The following FAM107B variants were observed in gnomAD, a reference collection of about 807,000 sequenced individuals.
The protein encoded by FAM107B is protein FAM107B.
A neutral mutation model predicts 31.5 loss-of-function variants in FAM107B; 21 were observed. The ratio of observed to expected loss-of-function variants is 0.67; its 90% confidence interval spans 0.47 to 0.96. The LOEUF is 0.96. Among genes scored for constraint, FAM107B ranks in the 40% least tolerant of loss-of-function variants. The probability of loss-of-function intolerance (pLI) is 0.00; values close to 1 mark genes in which losing one functional copy is unlikely to be tolerated. For missense variants in FAM107B, 452 were observed against 377.1 expected (o/e 1.20, Z -1.64); for synonymous variants, 157 against 141.5 (o/e 1.11, Z -0.78).
rs1833385289 is a variant in FAM107B, at chr10:14,774,806, G to A, written c.-143C>T. ...AGTGGTTGCCCCTAAATAGAAGTTG[G>A]GATGGCAAGGCCACCTTCCCTGAGA... On this transcript the variant is annotated 5_prime_UTR_variant, in exon 1 of 5. Transcript: ENST00000181796. 4.3e-6 allele frequency: 4 copies of A among 920,368 alleles called. No homozygotes were observed. The South Asian group carries it at 5.4e-5, about 12-fold the overall frequency. The allele number at this position is 920,368 out of a possible 1,614,324, so 57.0% of individuals were successfully genotyped here.
intron 2 of FAM107B, among the ~76,000 whole-genome samples, chr10:14,624,702 G>A (rs1250729900): frequency 6.6e-6 from 1 of 152,076 alleles, no homozygotes; most frequent in East Asian, 1.9e-4. Context: ...TTTCGTATTT[G>A]AGCATAACAA....
intron 1 of FAM107B, among the ~76,000 whole-genome samples, chr10:14,711,525 C>A (rs188181521): frequency 1.3e-5 from 2 of 152,196 alleles, no homozygotes; most frequent in African/African-American, 2.4e-5. Context: ...TAGGCTATAC[C>A]GCCTAGCCTA....
At chr10:14,534,062 CAG>C (rs908199321) in intron 2 of FAM107B, among the ~76,000 whole-genome samples, 5 of 152,200 alleles carry the variant, frequency 3.3e-5, no homozygotes, top group African/African-American at 1.2e-4. Context: ...GCTGTCAACA[CAG>C]GGGCAAACAT....
chr10:14,603,958 GGGC>G (rs1216231442), intron 2 of FAM107B, among the ~76,000 whole-genome samples: 1 of 148,944 alleles, frequency 6.7e-6, no homozygotes, highest in African/African-American at 2.4e-5. Context: ...ACAATGAGCC[GGGC>G]GGCCGCTGGG....
chr10:14,702,768 C>G (rs995067156), intron 1 of FAM107B, among the ~76,000 whole-genome samples: 4 of 152,104 alleles, frequency 2.6e-5, no homozygotes, highest in African/African-American at 4.8e-5. Flanking sequence ...GAAGTCCACC[C>G]CAAAACATGG....
chr10:14,661,137 C>T (rs763123393), intron 2 of FAM107B, among the ~76,000 whole-genome samples: 4 of 152,210 alleles, frequency 2.6e-5, no homozygotes, highest in Admixed American at 6.5e-5. Context: ...TCCCCAGCCA[C>T]GCTTCCTGTA....
intron 2 of FAM107B, among the ~76,000 whole-genome samples, chr10:14,608,352 CTG>C (rs1352044385): frequency 2.6e-5 from 4 of 152,208 alleles, no homozygotes; most frequent in Non-Finnish European, 5.9e-5. Flanking sequence ...TTATCTATGA[CTG>C]TATAACACAT....
intron 2 of FAM107B, among the ~76,000 whole-genome samples, chr10:14,620,004 A>ACTTT: frequency 7.0e-6 from 1 of 141,892 alleles, no homozygotes; most frequent in Admixed American, 7.6e-5. Flanking sequence ...CTACGTCTGG[A>ACTTT]CTTTCTTTCT....
chr10:14,530,490 ATG>A lies in FAM107B; in HGVS notation c.493_494del (p.His165Ter), dbSNP rs1199777172. The A allele has an allele frequency of 6.2e-7, 1 of 1,613,208 alleles. No individual in the cohort carries two copies. The highest frequency in any genetic ancestry group is 1.7e-5 in the Admixed American group (1 of 59,868). On this transcript the variant is annotated frameshift_variant, in exon 3 of 5. Transcript: ENST00000181796. LOFTEE classifies it high-confidence loss of function. Reference sequence around the variant, plus strand: ...TTCTTGTAATGAGATATGAGTCCTTATGGTCAATATCCTCAGGTGGGCTGTCT... The same window carrying A: ...TTCTTGTAATGAGATATGAGTCCTTAGTCAATATCCTCAGGTGGGCTGTCT... ...TSDSPPEDIDHKDSYLITRSI... is the reference protein window; with the variant it reads ...TSDSPPEDIDXKDSYLITRSI...
chr10:14,658,793 T>C (rs1203119356), intron 2 of FAM107B, among the ~76,000 whole-genome samples: 2 of 152,222 alleles, frequency 1.3e-5, no homozygotes, highest in African/African-American at 4.8e-5. Context: ...TCAGGCTCCA[T>C]CCTAGGCATT....
intron 2 of FAM107B, among the ~76,000 whole-genome samples, chr10:14,580,817 A>C (rs945271100): frequency 6.6e-6 from 1 of 152,222 alleles, no homozygotes; most frequent in African/African-American, 2.4e-5. Context: ...TTGGCCTCCC[A>C]GGATCCTAAC....
In FAM107B at chr10:14,742,567, C is replaced by T. The variant is rs550418151; in HGVS notation, c.411+31686G>A. On this transcript the variant is annotated intron_variant, in intron 1 of 4. Coordinates refer to ENST00000181796, the MANE Select transcript of FAM107B (RefSeq NM_031453.4). ...GTAGGGTAGCTACTCACTAAATATT[C>T]GTGAAATGCCTGCTGGATGAGTTAT... is the stretch of plus-strand genomic sequence containing the variant. 1.9e-4 allele frequency among the ~76,000 whole-genome samples: 29 copies of T among 152,252 alleles called. No homozygotes were observed. In the East Asian group the frequency reaches 2.1e-3, roughly 11 times the overall value.
At chr10:14,672,481 T>G (rs1161924480) in intron 1 of FAM107B, among the ~76,000 whole-genome samples, 1 of 152,250 alleles carries the variant, frequency 6.6e-6, no homozygotes, top group African/African-American at 2.4e-5. Flanking sequence ...AATGGACTTT[T>G]CATTTACAGT....
intron 1 of FAM107B, among the ~76,000 whole-genome samples, chr10:14,730,384 T>G (rs1250408913): frequency 6.6e-6 from 1 of 152,148 alleles, no homozygotes; most frequent in African/African-American, 2.4e-5. Context: ...AAGATGATAT[T>G]CTTGAGCTGG....
chr10:14,572,427 T>C, intron 2 of FAM107B: 6 of 984,824 alleles, frequency 6.1e-6, no homozygotes, highest in Non-Finnish European at 7.2e-6. Flanking sequence ...GTTCTCGCAC[T>C]TCTTAGAGCA....
chr10:14,692,834 C>G (rs1215037461), intron 1 of FAM107B, among the ~76,000 whole-genome samples: 1 of 152,196 alleles, frequency 6.6e-6, no homozygotes, highest in Non-Finnish European at 1.5e-5. Context: ...CCTCTCTGAT[C>G]CTTTATGTGC....
intron 2 of FAM107B, among the ~76,000 whole-genome samples, chr10:14,626,069 T>A (rs972052755): frequency 1.3e-5 from 2 of 152,138 alleles, no homozygotes; most frequent in Admixed American, 6.6e-5. Flanking sequence ...CACTTGGGAC[T>A]CTTTTAAGAC....
At chr10:14,595,814 G>A (rs1852171050) in intron 2 of FAM107B, among the ~76,000 whole-genome samples, 1 of 152,172 alleles carries the variant, frequency 6.6e-6, no homozygotes, top group East Asian at 1.9e-4. Context: ...AAGAGCAGGT[G>A]TCACCCACAA....
chr10:14,774,314 T>A lies in FAM107B; in HGVS notation c.350A>T (p.Asp117Val), dbSNP rs769957947. ...AGCGTGAAACACCACTGCTTCACAGTCCGCCCCATCATCCAGGGACCCGGG... is the reference window on the plus strand; with the variant it reads ...AGCGTGAAACACCACTGCTTCACAGACCGCCCCATCATCCAGGGACCCGGG... ...DVPGSLDDGA[D>V]CEAVVFHASI... The change falls in exon 1 of 5, where the codon GAC (aspartate) becomes GTC (valine). Residue 117 changes from aspartate (D) to valine (V), a missense_variant. Asp to Val is a radical substitution (Grantham distance 152, BLOSUM62 -3). Coordinates refer to ENST00000181796, the MANE Select transcript of FAM107B (RefSeq NM_031453.4). The A allele has an allele frequency of 4.3e-6, 7 of 1,614,204 alleles. No homozygotes were observed. Among genetic ancestry groups the A allele is most frequent in the Non-Finnish European group, 5.9e-6 (7 of 1,180,024 alleles).
Sources: allele counts gnomAD v4.1 joint callset (sites outside exome capture counted in the v4.1 genomes callset), GRCh38; gene constraint gnomAD v4.1.1; transcripts MANE v1.5; gene names NCBI Gene and HGNC (gene_info 2026-07-23, HGNC 2026-07-21).